HSPA12A: variants seen among roughly 807,000 people sequenced by gnomAD.
HSPA12A encodes heat shock 70 kDa protein 12A.
In HSPA12A, 28 loss-of-function variants were observed where a neutral mutation model predicts 69.2. The observed-to-expected ratio is 0.40, with a 90% confidence interval of 0.30 to 0.55. The LOEUF (loss-of-function observed/expected upper bound fraction) is 0.55. HSPA12A is among the 20% of genes least tolerant of loss of function. The probability of loss-of-function intolerance (pLI) is 0.38; values close to 1 mark genes in which losing one functional copy is unlikely to be tolerated. For synonymous variants in HSPA12A, 345 were observed against 370.5 expected (o/e 0.93, Z 0.79); for missense variants, 686 against 900.7 (o/e 0.76, Z 3.05).
intron 1 of HSPA12A, among the ~76,000 whole-genome samples, chr10:116,732,739 G>A (rs781949143): frequency 2.0e-5 from 3 of 152,230 alleles, no homozygotes; most frequent in Admixed American, 6.5e-5. Flanking sequence ...CTGCTGGAGG[G>A]ACAAGTCATG....
Position 116,671,538 on chromosome 10 carries a change from C to T in HSPA12A, c.*3243G>A, listed in dbSNP as rs1849077843. ...ATTGGTGCATGCGATTCTTTGCTAC[C>T]CTGGCAATTAACCAGACCTGGACTC... On this transcript the variant is annotated 3_prime_UTR_variant, in exon 12 of 12. Transcript: ENST00000369209. 6.6e-6 allele frequency: 1 copy of T among 152,504 alleles called. No individual in the cohort carries two copies. The highest frequency in any genetic ancestry group is 1.5e-5 in the Non-Finnish European group (1 of 68,038). The allele number at this position is 152,504 out of a possible 1,614,324, so 9.4% of individuals were successfully genotyped here. A position where few individuals can be genotyped will look rare whatever the true frequency, so the allele number is the denominator to read the frequency against.
At chr10:116,850,523 G>A (rs1309828562), upstream of HSPA12A, among the ~76,000 whole-genome samples, 7 of 152,068 alleles carry the variant, frequency 4.6e-5, no homozygotes, top group Non-Finnish European at 8.8e-5. Context: ...AAGGAAGGCA[G>A]TGTGGCTGGG....
chr10:116,717,537 C>T (rs1012262952), intron 1 of HSPA12A, among the ~76,000 whole-genome samples: 6 of 152,118 alleles, frequency 3.9e-5, no homozygotes, highest in East Asian at 1.9e-4. Flanking sequence ...AGTTCAAAGT[C>T]GGGAAAGCCT....
At chr10:116,706,343 C>T (rs922435143) in intron 2 of HSPA12A, among the ~76,000 whole-genome samples, 1 of 152,054 alleles carries the variant, frequency 6.6e-6, no homozygotes, top group African/African-American at 2.4e-5. Flanking sequence ...AGCCCTGAAG[C>T]TCTTACAGGA....
intron 2 of HSPA12A, among the ~76,000 whole-genome samples, chr10:116,754,531 TA>T (rs1843787325): frequency 6.6e-6 from 1 of 152,134 alleles, no homozygotes; most frequent in Admixed American, 6.5e-5. Context: ...ACTGAGCAAA[TA>T]GGTTGCATCA....
chr10:116,764,124 G>A (rs1348308536), intron 2 of HSPA12A, among the ~76,000 whole-genome samples: 3 of 152,134 alleles, frequency 2.0e-5, no homozygotes, highest in Admixed American at 2.0e-4. Flanking sequence ...AGCTCCCAAG[G>A]CAGTGGTGAA....
In HSPA12A at chr10:116,681,239, C is replaced by T. The variant is rs781827668; in HGVS notation, c.940G>A (p.Val314Met). ...TCTACGGTGCCACCGCCACTGTCCA[C>T]AACCACATACTTATCACCTGGCACA... ...ELEEGDKYVVVDSGGGTVDLT... is the reference protein window; with the variant it reads ...ELEEGDKYVVMDSGGGTVDLT... Residue 314 changes from valine to methionine, a missense_variant, in exon 9 of 12, where the codon GTG becomes ATG. Coordinates refer to ENST00000369209, the MANE Select transcript of HSPA12A (RefSeq NM_025015.3). The T allele has an allele frequency of 6.2e-7, 1 of 1,614,082 alleles. No homozygotes were observed. The highest frequency in any genetic ancestry group is 1.1e-5 in the South Asian group (1 of 91,086).
intron 2 of HSPA12A, among the ~76,000 whole-genome samples, chr10:116,805,991 G>A (rs546100966): frequency 6.6e-6 from 1 of 152,270 alleles, no homozygotes; most frequent in East Asian, 1.9e-4. Flanking sequence ...TTGGTCCAAC[G>A]TGAGAGATGC....
chr10:116,807,129 A>G (rs1261976445), intron 2 of HSPA12A, among the ~76,000 whole-genome samples: 1 of 151,768 alleles, frequency 6.6e-6, no homozygotes, highest in East Asian at 1.9e-4. Context: ...ACTGGAAGAG[A>G]GTACATTTCT....
chr10:116,714,966 C>G (rs143660031), intron 1 of HSPA12A, among the ~76,000 whole-genome samples: 1 of 152,180 alleles, frequency 6.6e-6, no homozygotes, highest in African/African-American at 2.4e-5. Context: ...TCTCAGCTCC[C>G]CCGGTGCAGA....
intron 1 of HSPA12A, among the ~76,000 whole-genome samples, chr10:116,722,737 T>C (rs1168837744): frequency 6.6e-6 from 1 of 152,148 alleles, no homozygotes; most frequent in Non-Finnish European, 1.5e-5. Context: ...GGCCAAAACA[T>C]AGTGGGATGA....
chr10:116,707,888 G>C (rs942904961), intron 1 of HSPA12A, among the ~76,000 whole-genome samples: 3 of 152,108 alleles, frequency 2.0e-5, no homozygotes, highest in Admixed American at 1.3e-4. Context: ...GAAGGTTTGG[G>C]ACCTTTTTCA....
rs1381751560 is a variant in HSPA12A at position 116,672,825 on chromosome 10, A to G, written c.*1956T>C. The G allele has an allele frequency of 1.3e-5, 2 of 152,650 alleles. No homozygotes were observed. Among genetic ancestry groups the G allele is most frequent in the African/African-American group, 2.4e-5 (1 of 41,454 alleles). 9.5% of individuals were successfully genotyped at this position (152,650 alleles called of 1,614,324 possible). The stretch of plus-strand genomic sequence containing the variant: ...AGCGTTTGAAGCAGGGCAGGTAGCA[A>G]GAGAACATTAGCAAAGACACCTTTG... On this transcript the variant is annotated 3_prime_UTR_variant, in exon 12 of 12. Coordinates refer to ENST00000369209, the MANE Select transcript of HSPA12A (RefSeq NM_025015.3).
At chr10:116,730,465 G>T (rs1057062900) in intron 1 of HSPA12A, among the ~76,000 whole-genome samples, 3 of 152,212 alleles carry the variant, frequency 2.0e-5, no homozygotes, top group African/African-American at 2.4e-5. Context: ...GGCATGGGGT[G>T]TTGAGTGCTA....
chr10:116,711,781 A>C (rs2132999105), intron 1 of HSPA12A, among the ~76,000 whole-genome samples: 1 of 149,504 alleles, frequency 6.7e-6, no homozygotes, highest in African/African-American at 2.5e-5. Flanking sequence ...CTCCTGCCTC[A>C]GCCTCCCGAG....
chr10:116,701,915 CT>C (rs1850087515), intron 3 of HSPA12A, among the ~76,000 whole-genome samples: 1 of 152,102 alleles, frequency 6.6e-6, no homozygotes. Flanking sequence ...AGAATCAGAG[CT>C]GCTGTTCATA....
intron 1 of HSPA12A, among the ~76,000 whole-genome samples, chr10:116,737,750 C>T (rs1400867715): frequency 6.6e-6 from 1 of 152,206 alleles, no homozygotes; most frequent in Non-Finnish European, 1.5e-5. Flanking sequence ...TCTGCGGCTG[C>T]CAGGTCACGG....
In HSPA12A at chr10:116,800,480, G is replaced by A. The variant is rs559116645; in HGVS notation, c.91+34455C>T. ...GAGAGCAGGGGTCTCAGCTCTCCCCGAAACCTGGGCACCCACCAGTGGGAA... is the reference window on the plus strand; with the variant it reads ...GAGAGCAGGGGTCTCAGCTCTCCCCAAAACCTGGGCACCCACCAGTGGGAA... On this transcript the variant is annotated intron_variant, in intron 2 of 12. Transcript: ENST00000635765. 3.3e-5 allele frequency among the ~76,000 whole-genome samples: 5 copies of A among 152,284 alleles called. No homozygotes were observed. The South Asian group carries it at 8.3e-4, about 25-fold the overall frequency.
rs1311351697 is a variant in HSPA12A, at chr10:116,694,422, A to G, written c.547-1955T>C. Among the ~76,000 whole-genome samples, 6 of 152,134 alleles carry G rather than the reference A, an allele frequency of 3.9e-5. No individual in the cohort carries two copies. The East Asian group carries it at 1.2e-3, about 29-fold the overall frequency. On this transcript the variant is annotated intron_variant, in intron 5 of 11. Coordinates refer to ENST00000369209, the MANE Select transcript of HSPA12A (RefSeq NM_025015.3). ...TATTCACGGCATATTCCCTGCTGGG[A>G]GGAGCTACCTTTGAAAGAAAGGTGC...
Sources: gnomAD v4.1 joint callset for allele counts (sites outside exome capture counted in the v4.1 genomes callset) on GRCh38, gnomAD v4.1.1 for gene constraint, MANE v1.5 for transcripts, NCBI Gene and HGNC (gene_info 2026-07-23, HGNC 2026-07-21) for gene names.